Variants in PCDH9 observed in about 807,000 individuals in gnomAD.
The protein encoded by PCDH9 is protocadherin-9.
A neutral mutation model predicts 70.6 loss-of-function variants in PCDH9; 24 were observed. The ratio of observed to expected loss-of-function variants is 0.34; its 90% CI spans 0.25 to 0.48. PCDH9 has a LOEUF of 0.48. Among genes scored for constraint, PCDH9 ranks in the 20% least tolerant of loss-of-function variants. The pLI is 0.99. For missense variants in PCDH9, 1,281 were observed against 1,503.6 expected (o/e 0.85, Z 2.45); for synonymous variants, 562 against 558.5 (o/e 1.01, Z -0.09).
chr13:66,479,666 T>TA (rs1445125177), intron 4 of PCDH9, among the ~76,000 whole-genome samples: 1 of 152,158 alleles, frequency 6.6e-6, no homozygotes, highest in Non-Finnish European at 1.5e-5. Context: ...CAGCAATCTG[T>TA]AAAAATGCAC....
chr13:67,088,256 T>C (rs1261387886), intron 2 of PCDH9, among the ~76,000 whole-genome samples: 1 of 151,996 alleles, frequency 6.6e-6, no homozygotes, highest in Non-Finnish European at 1.5e-5. Flanking sequence ...TCAAATCATT[T>C]TAGATTGTGA....
rs143992129 is a variant in PCDH9 at position 67,024,988 on chromosome 13, C to T, written c.3037-121383G>A. On this transcript the variant is annotated intron_variant, in intron 2 of 4. Coordinates refer to ENST00000377865, the MANE Select transcript of PCDH9 (RefSeq NM_203487.3). Reference sequence around the variant, plus strand: ...CCAATATGTATGTCACAAGTATATTCGTTTGTCATTTGAAGCTAATTAACA... The same window carrying T: ...CCAATATGTATGTCACAAGTATATTTGTTTGTCATTTGAAGCTAATTAACA... Among the ~76,000 whole-genome samples, 5 of 152,076 alleles carry T rather than the reference C, an allele frequency of 3.3e-5. No homozygotes were observed. In the East Asian group the frequency reaches 7.7e-4, roughly 24 times the overall value.
intron 4 of PCDH9, among the ~76,000 whole-genome samples, chr13:66,392,814 T>G (rs981110996): frequency 6.6e-6 from 1 of 151,938 alleles, no homozygotes; most frequent in Non-Finnish European, 1.5e-5. Flanking sequence ...TAAAAAGAAG[T>G]TCCCTATCTC....
intron 2 of PCDH9, among the ~76,000 whole-genome samples, chr13:67,110,241 C>T (rs921763964): frequency 6.6e-6 from 1 of 151,480 alleles, no homozygotes; most frequent in Non-Finnish European, 1.5e-5. Flanking sequence ...GAGAGAGATA[C>T]GGCCGGGTGC....
intron 4 of PCDH9, among the ~76,000 whole-genome samples, chr13:66,585,833 A>T (rs766311766): frequency 3.1e-4 from 47 of 152,136 alleles, no homozygotes; most frequent in Non-Finnish European, 5.7e-4. Flanking sequence ...ATGATCTTAG[A>T]ATAAGAATAT....
intron 4 of PCDH9, among the ~76,000 whole-genome samples, chr13:66,563,165 C>G (rs973113395): frequency 6.6e-6 from 1 of 152,196 alleles, no homozygotes; most frequent in African/African-American, 2.4e-5. Context: ...CAAAATAGAA[C>G]TTTTGTTGAT....
chr13:67,080,128 G>T (rs1426063594), intron 2 of PCDH9, among the ~76,000 whole-genome samples: 2 of 152,108 alleles, frequency 1.3e-5, no homozygotes, highest in Non-Finnish European at 2.9e-5. Context: ...GAGATTGTGT[G>T]ACCTAGGCCG....
At chr13:66,492,105 T>G (rs1959043141) in intron 4 of PCDH9, among the ~76,000 whole-genome samples, 1 of 152,172 alleles carries the variant, frequency 6.6e-6, no homozygotes, top group Non-Finnish European at 1.5e-5. Context: ...AAAGAGATCT[T>G]AAAGAGAAAT....
At chr13:66,765,670 T>C (rs1392163318) in intron 3 of PCDH9, among the ~76,000 whole-genome samples, 1 of 152,120 alleles carries the variant, frequency 6.6e-6, no homozygotes, top group African/African-American at 2.4e-5. Flanking sequence ...TACTAAAGGA[T>C]AGTAGATTGG....
At chr13:66,554,521 A>T (rs1234157005) in intron 4 of PCDH9, among the ~76,000 whole-genome samples, 1 of 152,118 alleles carries the variant, frequency 6.6e-6, no homozygotes, top group African/African-American at 2.4e-5. Context: ...TATACTATGA[A>T]ATATTTTTTC....
intron 3 of PCDH9, among the ~76,000 whole-genome samples, chr13:66,792,524 C>T (rs920410068): frequency 5.3e-5 from 8 of 152,086 alleles, no homozygotes; most frequent in Admixed American, 4.6e-4. Flanking sequence ...ACAAAATTAG[C>T]TGGGCTTGGT....
intron 4 of PCDH9, among the ~76,000 whole-genome samples, chr13:66,436,910 G>T (rs1332010772): frequency 6.6e-6 from 1 of 151,876 alleles, no homozygotes; most frequent in Non-Finnish European, 1.5e-5. Context: ...TACACATTTT[G>T]TGAGCTGCAA....
At chr13:66,926,588 A>G (rs2139652770) in intron 2 of PCDH9, among the ~76,000 whole-genome samples, 1 of 152,182 alleles carries the variant, frequency 6.6e-6, no homozygotes, top group South Asian at 2.1e-4. Context: ...CATGGGCATG[A>G]GCAGTCTCTC....
chr13:67,099,439 T>C (rs1248882683), intron 2 of PCDH9, among the ~76,000 whole-genome samples: 2 of 152,178 alleles, frequency 1.3e-5, no homozygotes, highest in East Asian at 3.8e-4. Context: ...TATTAACTTT[T>C]TATTATCGGG....
chr13:66,927,371 A>C (rs1437328782), intron 2 of PCDH9, among the ~76,000 whole-genome samples: 1 of 151,898 alleles, frequency 6.6e-6, no homozygotes, highest in Non-Finnish European at 1.5e-5. Flanking sequence ...AACGACACAC[A>C]CTGGGGCCTC....
chr13:67,058,945 G>A (rs1272185320), intron 2 of PCDH9, among the ~76,000 whole-genome samples: 1 of 151,888 alleles, frequency 6.6e-6, no homozygotes. Flanking sequence ...CTGCTTAAGG[G>A]GCATTTTAGT....
intron 2 of PCDH9, among the ~76,000 whole-genome samples, chr13:67,064,933 T>C (rs1369359847): frequency 2.0e-5 from 3 of 149,480 alleles, no homozygotes; most frequent in African/African-American, 7.4e-5. Context: ...GATAGATAGA[T>C]AGATAGCAGA....
chr13:66,520,326 T>C (rs547835376), intron 4 of PCDH9, among the ~76,000 whole-genome samples: 9 of 152,328 alleles, frequency 5.9e-5, no homozygotes, highest in African/African-American at 1.9e-4. Context: ...CCGAAACTCC[T>C]TAGGTCTTCC....
At chr13:66,911,544 T>C (rs2082466659) in intron 2 of PCDH9, among the ~76,000 whole-genome samples, 1 of 152,214 alleles carries the variant, frequency 6.6e-6, no homozygotes, top group African/African-American at 2.4e-5. Context: ...ATGAGTTTTA[T>C]GCAATTCTTT....
Sources: allele counts gnomAD v4.1 joint callset (sites outside exome capture counted in the v4.1 genomes callset), GRCh38; gene constraint gnomAD v4.1.1; transcripts MANE v1.5; gene names NCBI Gene and HGNC (gene_info 2026-07-23, HGNC 2026-07-21).